IPO11: variants seen among roughly 807,000 people sequenced by gnomAD.
The protein encoded by IPO11 is importin 11.
IPO11 carries 66 observed loss-of-function variants against 143.2 expected under a neutral mutation model. That is an observed-to-expected ratio of 0.46 (90% CI 0.38 to 0.57). The LOEUF (loss-of-function observed/expected upper bound fraction) is 0.57. Among genes scored for constraint, IPO11 ranks in the 20% least tolerant of loss-of-function variants. The probability of loss-of-function intolerance (pLI) is 0.00; values close to 1 mark genes in which losing one functional copy is unlikely to be tolerated. For missense variants in IPO11, 1,026 were observed against 1,141.0 expected (o/e 0.90, Z 1.45); for synonymous variants, 385 against 377.8 (o/e 1.02, Z -0.22).
intron 2 of IPO11, among the ~76,000 whole-genome samples, chr5:62,438,826 A>G (rs545135006): frequency 6.6e-6 from 1 of 152,166 alleles, no homozygotes; most frequent in East Asian, 1.9e-4. Flanking sequence ...TTGGGAGGCC[A>G]AGGCGGGCGA....
intron 8 of IPO11, among the ~76,000 whole-genome samples, chr5:62,474,877 G>A (rs1025320169): frequency 6.6e-6 from 1 of 152,170 alleles, no homozygotes; most frequent in Non-Finnish European, 1.5e-5. Flanking sequence ...GTATATAGCT[G>A]GTATTTGCTG....
chr5:62,621,389 C>T (rs979696681), intron 29 of IPO11, among the ~76,000 whole-genome samples: 3 of 152,160 alleles, frequency 2.0e-5, no homozygotes, highest in Non-Finnish European at 4.4e-5. Flanking sequence ...GTCCCCATCT[C>T]GCAGATTGAA....
chr5:62,533,579 G>A (rs1266857201), intron 22 of IPO11, among the ~76,000 whole-genome samples: 3 of 152,096 alleles, frequency 2.0e-5, no homozygotes, highest in African/African-American at 4.8e-5. Flanking sequence ...TCTTTTAAGA[G>A]TATAAACCAA....
At chr5:62,516,081 G>A (rs1561344727) in intron 20 of IPO11, among the ~76,000 whole-genome samples, 1 of 152,170 alleles carries the variant, frequency 6.6e-6, no homozygotes, top group African/African-American at 2.4e-5. Flanking sequence ...AAGGCCGTGA[G>A]TTAGAATATA....
chr5:62,535,710 G>A (rs1380992631), intron 22 of IPO11, among the ~76,000 whole-genome samples: 1 of 151,932 alleles, frequency 6.6e-6, no homozygotes, highest in African/African-American at 2.4e-5. Flanking sequence ...AAAATAAATG[G>A]AAAATTCACA....
At chr5:62,530,903 CA>C (rs1742520425) in intron 22 of IPO11, 118 bp downstream of exon 22, 1 of 736,942 alleles carries the variant, frequency 1.4e-6, no homozygotes, top group East Asian at 2.6e-5. Context: ...AGTTTAGATT[CA>C]GGGGATATAT....
chr5:62,493,086 A>T (rs1741003704), intron 15 of IPO11, among the ~76,000 whole-genome samples: 1 of 152,224 alleles, frequency 6.6e-6, no homozygotes, highest in African/African-American at 2.4e-5. Context: ...AGAGAAAGAA[A>T]GAAATGTATA....
At chr5:62,577,218 A>G (rs918433623) in intron 27 of IPO11, among the ~76,000 whole-genome samples, 1 of 152,150 alleles carries the variant, frequency 6.6e-6, no homozygotes, top group African/African-American at 2.4e-5. Context: ...GTTACAGTGT[A>G]CTATTTATAT....
At position 62,515,475 on chromosome 5, in the gene IPO11, T is replaced by C; in HGVS notation, c.1870T>C (p.Leu624=). Residue 624 remains leucine, a synonymous_variant, in exon 20 of 30, where the codon TTG becomes CTG. Coordinates refer to ENST00000325324, the MANE Select transcript of IPO11 (RefSeq NM_016338.5). ...ACACAATATGTTGAGATGTGCTATTTTGACAACACTTATTCATCTTGTTCA... is the reference window on the plus strand; with the variant it reads ...ACACAATATGTTGAGATGTGCTATTCTGACAACACTTATTCATCTTGTTCA... ...EEHNMLRCAI[L]TTLIHLVQGL... The C allele has an allele frequency of 6.2e-7, 1 of 1,606,862 alleles. No individual in the cohort carries two copies. The highest frequency in any genetic ancestry group is 1.3e-5 in the African/African-American group (1 of 74,778).
intron 9 of IPO11, among the ~76,000 whole-genome samples, chr5:62,481,138 T>C (rs1313612831): frequency 2.6e-5 from 4 of 152,052 alleles, no homozygotes; most frequent in African/African-American, 9.7e-5. Context: ...CAGGATGGTC[T>C]CGATCTCCTG....
intron 9 of IPO11, among the ~76,000 whole-genome samples, chr5:62,480,040 C>G (rs1200635044): frequency 2.0e-5 from 3 of 152,138 alleles, no homozygotes; most frequent in Non-Finnish European, 4.4e-5. Flanking sequence ...ATGGTACTGC[C>G]TAGGTTTTCT....
At chr5:62,457,225 A>G (rs930185980) in intron 5 of IPO11, among the ~76,000 whole-genome samples, 9 of 152,172 alleles carry the variant, frequency 5.9e-5, no homozygotes, top group Admixed American at 5.9e-4. Flanking sequence ...ATGGTGACTC[A>G]TGCCTGTAAT....
At chr5:62,494,219 G>A in intron 16 of IPO11, 95 bp downstream of exon 16, 1 of 1,111,418 alleles carries the variant, frequency 9.0e-7, no homozygotes. Flanking sequence ...TCTTTATGAT[G>A]TTTATGGCCT....
chr5:62,544,587 G>T (rs1743086800), intron 24 of IPO11, among the ~76,000 whole-genome samples: 1 of 152,188 alleles, frequency 6.6e-6, no homozygotes, highest in Non-Finnish European at 1.5e-5. Context: ...CATAGTGTTG[G>T]AAGTTCTGGC....
intron 22 of IPO11, among the ~76,000 whole-genome samples, chr5:62,535,631 A>T (rs1159020952): frequency 6.6e-6 from 1 of 152,140 alleles, no homozygotes; most frequent in Admixed American, 6.6e-5. Flanking sequence ...AAACTGTCAA[A>T]TCCTAAAGTT....
chr5:62,416,371 C>T (rs112781438), intron 1 of IPO11, among the ~76,000 whole-genome samples: 13,936 of 151,532 alleles, frequency 0.092, 648 homozygotes, highest in South Asian at 0.15. Flanking sequence ...TTAGTAGAGA[C>T]GGGTTTCACC....
intron 27 of IPO11, chr5:62,580,993 C>A: frequency 6.4e-7 from 1 of 1,551,208 alleles, no homozygotes. Flanking sequence ...AATTTGTACA[C>A]AAGAAGTTGA....
In IPO11 at chr5:62,442,695, C is replaced by CA. The variant is rs796074297; in HGVS notation, c.139-278dup. Among the ~76,000 whole-genome samples the CA allele has an allele frequency of 8.9e-3, 1,302 of 146,894 alleles. 22 individuals are homozygous for CA. The highest frequency in any genetic ancestry group is 0.03 in the African/African-American group (1,195 of 40,116). Reference sequence around the variant, plus strand: ...CCAGCATGGTGAAACCCTGTCTCTACAAAAAAAAAATACAAAAAATTAGCT... The same window carrying CA: ...CCAGCATGGTGAAACCCTGTCTCTACAAAAAAAAAAATACAAAAAATTAGCT... On this transcript the variant is annotated intron_variant, in intron 2 of 29. Coordinates refer to ENST00000325324, the MANE Select transcript of IPO11 (RefSeq NM_016338.5).
intron 1 of IPO11, among the ~76,000 whole-genome samples, chr5:62,425,828 G>A (rs953001639): frequency 6.6e-6 from 1 of 152,174 alleles, no homozygotes; most frequent in African/African-American, 2.4e-5. Context: ...GGAGCCTAAT[G>A]GAAAGTAAAT....
Sources: allele counts gnomAD v4.1 joint callset (sites outside exome capture counted in the v4.1 genomes callset), GRCh38; gene constraint gnomAD v4.1.1; transcripts MANE v1.5; gene names NCBI Gene and HGNC (gene_info 2026-07-23, HGNC 2026-07-21).